Variants in SLCO3A1 observed in about 807,000 individuals in gnomAD.
SLCO3A1 encodes the protein PGE1 transporter.
Under a neutral mutation model 63.1 loss-of-function variants are expected in SLCO3A1, and 27 were observed. That is an observed-to-expected ratio of 0.43 (90% CI 0.32 to 0.59). SLCO3A1 has a LOEUF of 0.59. Ranked by LOEUF, SLCO3A1 falls within the 20% of genes least tolerant of loss-of-function variation. SLCO3A1 has a pLI of 0.09. For missense variants in SLCO3A1, 773 were observed against 945.8 expected, an observed-to-expected ratio of 0.82 and a Z score of 2.40; for synonymous variants, 473 against 409.9, an observed-to-expected ratio of 1.15 and a Z score of -1.86.
At chr15:92,150,490 C>G (rs184481800) in intron 8 of SLCO3A1, among the ~76,000 whole-genome samples, 72 of 152,278 alleles carry the variant, frequency 4.7e-4, no homozygotes, top group African/African-American at 1.6e-3. Context: ...CCATGCTAAT[C>G]TGGTGGATTT....
chr15:91,992,218 T>A (rs1203499052), intron 2 of SLCO3A1, among the ~76,000 whole-genome samples: 2 of 152,230 alleles, frequency 1.3e-5, no homozygotes, highest in Non-Finnish European at 2.9e-5. Flanking sequence ...AAAATGAGCA[T>A]CAAGGAAGCC....
At chr15:92,143,753 G>A (rs149385129) in intron 7 of SLCO3A1, among the ~76,000 whole-genome samples, 2 of 151,500 alleles carry the variant, frequency 1.3e-5, no homozygotes, top group East Asian at 4.0e-4. Flanking sequence ...GTTTGGAGCT[G>A]GAGCTGGGGC....
intron 2 of SLCO3A1, among the ~76,000 whole-genome samples, chr15:92,038,758 A>G (rs888103853): frequency 6.6e-6 from 1 of 152,214 alleles, no homozygotes; most frequent in African/African-American, 2.4e-5. Flanking sequence ...AACTACTTCA[A>G]ATTTTATATG....
At chr15:92,120,407 A>G (rs2047849364) in intron 4 of SLCO3A1, 58 bp from the exon 5 acceptor site, 2 of 1,554,468 alleles carry the variant, frequency 1.3e-6, no homozygotes, top group Non-Finnish European at 1.8e-6. Flanking sequence ...GGGAGCTATA[A>G]GATGGGAGCA....
chr15:92,048,215 A>G (rs1282592800), intron 2 of SLCO3A1, among the ~76,000 whole-genome samples: 1 of 152,066 alleles, frequency 6.6e-6, no homozygotes, highest in African/African-American at 2.4e-5. Context: ...GCCTGGACTT[A>G]TTCTGCCATC....
intron 4 of SLCO3A1, among the ~76,000 whole-genome samples, chr15:92,116,886 G>A (rs1220919748): frequency 4.6e-5 from 7 of 151,998 alleles, no homozygotes; most frequent in Non-Finnish European, 7.4e-5. Context: ...AGTTGCCTTG[G>A]TAGAGGGAAA....
chr15:92,067,904 A>G lies in SLCO3A1; in HGVS notation c.647-26977A>G, dbSNP rs188355648. Among the ~76,000 whole-genome samples the G allele has an allele frequency of 3.3e-5, 5 of 152,300 alleles. No individual in the cohort carries two copies. The East Asian group carries it at 7.7e-4, about 24-fold the overall frequency. ...CTCGTGAGGATCAGCTTCTTGATTCATAGACGGCCACCTTCTTACTGTGTC... is the reference window on the plus strand; with the variant it reads ...CTCGTGAGGATCAGCTTCTTGATTCGTAGACGGCCACCTTCTTACTGTGTC... On this transcript the variant is annotated intron_variant, in intron 2 of 9. Transcript: ENST00000318445.
chr15:92,093,680 A>T (rs1383056225), intron 2 of SLCO3A1, among the ~76,000 whole-genome samples: 3 of 152,118 alleles, frequency 2.0e-5, no homozygotes, highest in Non-Finnish European at 4.4e-5. Flanking sequence ...GGTTGGTTCA[A>T]TGCTGAATCC....
chr15:92,074,416 C>G (rs2047251876), intron 2 of SLCO3A1, among the ~76,000 whole-genome samples: 1 of 152,150 alleles, frequency 6.6e-6, no homozygotes, highest in Non-Finnish European at 1.5e-5. Flanking sequence ...AAGTGATCTT[C>G]CAGAAGAATA....
At chr15:92,012,057 G>T (rs1157074158) in intron 2 of SLCO3A1, among the ~76,000 whole-genome samples, 1 of 152,222 alleles carries the variant, frequency 6.6e-6, no homozygotes, top group Admixed American at 6.5e-5. Context: ...TGCAAAGACA[G>T]CCCAGAGAGG....
chr15:92,041,887 ATG>A (rs2046801099), intron 2 of SLCO3A1, among the ~76,000 whole-genome samples: 1 of 151,990 alleles, frequency 6.6e-6, no homozygotes, highest in South Asian at 2.1e-4. Flanking sequence ...TTCTAGCTAA[ATG>A]ATGTTTATCA....
At chr15:92,004,631 C>CA (rs1431616249) in intron 2 of SLCO3A1, among the ~76,000 whole-genome samples, 1 of 152,184 alleles carries the variant, frequency 6.6e-6, no homozygotes, top group East Asian at 1.9e-4. Flanking sequence ...TGTGTATCAA[C>CA]AAAATCTCCA....
intron 2 of SLCO3A1, among the ~76,000 whole-genome samples, chr15:92,012,932 GAAC>G (rs1332906730): frequency 6.6e-6 from 1 of 152,168 alleles, no homozygotes; most frequent in African/African-American, 2.4e-5. Flanking sequence ...GAATGTAAAA[GAAC>G]AACTGCGGTA....
In SLCO3A1 at chr15:92,094,869, A is replaced by G. The variant is rs77903937; in HGVS notation, c.647-12A>G. On this transcript the variant is annotated splice_polypyrimidine_tract_variant and intron_variant, in intron 2 of 9. Transcript: ENST00000318445. Reference sequence around the variant, plus strand: ...TGTTTTGTAATCTATTTTTTTCTTCATCTTCCTTCAGGAATCCTGTTCACG... The same window carrying G: ...TGTTTTGTAATCTATTTTTTTCTTCGTCTTCCTTCAGGAATCCTGTTCACG... 51,122 of 1,592,446 alleles carry G rather than the reference A, an allele frequency of 0.032. 956 individuals are homozygous for G. The highest frequency in any genetic ancestry group is 0.047 in the Admixed American group (2,777 of 59,314).
chr15:92,100,537 C>T (rs1411585259), intron 3 of SLCO3A1, among the ~76,000 whole-genome samples: 1 of 152,158 alleles, frequency 6.6e-6, no homozygotes, highest in Non-Finnish European at 1.5e-5. Flanking sequence ...CTGAAAGCAG[C>T]CCTTGCCAGA....
intron 2 of SLCO3A1, among the ~76,000 whole-genome samples, chr15:92,016,716 G>A (rs1046765106): frequency 6.6e-6 from 1 of 152,166 alleles, no homozygotes; most frequent in Non-Finnish European, 1.5e-5. Context: ...AAGGATGGAT[G>A]GGACATGAGG....
At chr15:92,160,960 T>G (rs991507251) in intron 9 of SLCO3A1, among the ~76,000 whole-genome samples, 3 of 151,610 alleles carry the variant, frequency 2.0e-5, no homozygotes, top group Admixed American at 6.6e-5. Context: ...AGGTTTGATT[T>G]TATGGGTAGG....
At chr15:92,020,992 T>C (rs2046502215) in intron 2 of SLCO3A1, among the ~76,000 whole-genome samples, 1 of 152,228 alleles carries the variant, frequency 6.6e-6, no homozygotes. Context: ...CAAACCACAG[T>C]TCTTGCCTAA....
intron 1 of SLCO3A1, among the ~76,000 whole-genome samples, chr15:91,907,991 A>C (rs1898365560): frequency 6.6e-6 from 1 of 152,156 alleles, no homozygotes; most frequent in East Asian, 1.9e-4. Context: ...AGGACGAGGA[A>C]AGCCACCACG....
Sources: allele counts gnomAD v4.1 joint callset (sites outside exome capture counted in the v4.1 genomes callset), GRCh38; gene constraint gnomAD v4.1.1; transcripts MANE v1.5; gene names NCBI Gene and HGNC (gene_info 2026-07-23, HGNC 2026-07-21).